The following PPP1R21 variants were observed in gnomAD, a reference collection of about 807,000 sequenced individuals.
The protein encoded by PPP1R21 is protein phosphatase 1 regulatory subunit 21, also known as KLRAQ motif containing 1.
Under a neutral mutation model 112.8 loss-of-function variants are expected in PPP1R21, and 85 were observed. The observed-to-expected ratio is 0.75, with a 90% confidence interval of 0.63 to 0.90. PPP1R21 has a LOEUF of 0.90. Among genes scored for constraint, PPP1R21 ranks in the 40% least tolerant of loss-of-function variants. The pLI is 0.00. For synonymous variants in PPP1R21, 381 were observed against 322.3 expected (o/e 1.18, Z -1.95); for missense variants, 1,199 against 901.5 (o/e 1.33, Z -4.23).
intron 13 of PPP1R21, 125 bp downstream of exon 13, chr2:48,480,141 C>T (rs1271184912): frequency 4.2e-6 from 3 of 714,446 alleles, no homozygotes; most frequent in East Asian, 5.2e-5. Flanking sequence ...TAGCATTTGG[C>T]TTATGTTGAG....
At chr2:48,506,570 G>A (rs1670388246) in intron 18 of PPP1R21, among the ~76,000 whole-genome samples, 4 of 152,128 alleles carry the variant, frequency 2.6e-5, no homozygotes, top group Admixed American at 2.6e-4. Context: ...AAACTCAACA[G>A]GGTGTCATTG....
chr2:48,511,153 C>G (rs1670619624), intron 20 of PPP1R21, among the ~76,000 whole-genome samples, 187 bp from the exon 21 acceptor site: 2 of 152,098 alleles, frequency 1.3e-5, no homozygotes. Context: ...GGAGGTCCAC[C>G]ACCTCAAACA....
chr2:48,469,590 A>G lies in PPP1R21; in HGVS notation c.898-1497A>G, dbSNP rs564673748. Among the ~76,000 whole-genome samples the G allele has an allele frequency of 5.5e-4, 76 of 138,494 alleles. 2 individuals carry two copies. The highest frequency in any genetic ancestry group is 2.0e-3 in the African/African-American group (75 of 38,070). 90.9% of individuals were successfully genotyped at this position (138,494 alleles called of 152,430 possible). A position where few individuals can be genotyped will look rare whatever the true frequency, so the allele number is the denominator to read the frequency against. On this transcript the variant is annotated intron_variant, in intron 9 of 21. Transcript: ENST00000294952. ...AGCATATATATATATATATATGCTAACCAGTATTGGATAGAATATACTATC... is the reference window on the plus strand; with the variant it reads ...AGCATATATATATATATATATGCTAGCCAGTATTGGATAGAATATACTATC...
At position 48,455,848 on chromosome 2, in the gene PPP1R21, A is replaced by G. The variant is rs13424478; in HGVS notation, c.273+1107A>G. On this transcript the variant is annotated intron_variant, in intron 3 of 21. Coordinates refer to ENST00000294952, the MANE Select transcript of PPP1R21 (RefSeq NM_001135629.3). ...GCTAACATGGTGAAACCTTGTCTCT[A>G]CTAAAAATAGAAAAAATTAGCTGGG... 5.7e-3 allele frequency among the ~76,000 whole-genome samples: 862 copies of G among 152,006 alleles called. 13 individuals are homozygous for G. The highest frequency in any genetic ancestry group is 0.02 in the African/African-American group (817 of 41,460).
At chr2:48,459,977 G>A in intron 5 of PPP1R21, 59 bp downstream of exon 5, 3 of 1,591,970 alleles carry the variant, frequency 1.9e-6, no homozygotes, top group Non-Finnish European at 2.6e-6. Context: ...TTAATAAATT[G>A]TCTATCCACT....
In PPP1R21 at chr2:48,460,579, A is replaced by G. The variant is rs140897595; in HGVS notation, c.599+426A>G. 6.4e-3 allele frequency among the ~76,000 whole-genome samples: 976 copies of G among 152,360 alleles called. 12 individuals carry two copies. The highest frequency in any genetic ancestry group is 0.022 in the African/African-American group (917 of 41,580). The stretch of plus-strand genomic sequence containing the variant: ...TTTAAAATCAAAATACTAGTAATGC[A>G]TGGTAAAGGTGTACTCCAACATTTA... On this transcript the variant is annotated intron_variant, in intron 6 of 21. Coordinates refer to ENST00000294952, the MANE Select transcript of PPP1R21 (RefSeq NM_001135629.3).
Position 48,503,714 on chromosome 2 carries a change from G to C in PPP1R21, c.1936-1850G>C, listed in dbSNP as rs574385123. ...TGTAATCCCAGCACTTTGGGAGGCC[G>C]AGGCGGGTGGATCATGAGGTCAAGA... On this transcript the variant is annotated intron_variant, in intron 17 of 21. Transcript: ENST00000294952. Among the ~76,000 whole-genome samples the C allele has an allele frequency of 2.6e-5, 4 of 152,154 alleles. No individual in the cohort carries two copies. The East Asian group carries it at 7.7e-4, about 29-fold the overall frequency.
intron 8 of PPP1R21, 43 bp downstream of exon 8, chr2:48,465,032 A>C: frequency 6.8e-7 from 1 of 1,463,658 alleles, no homozygotes; most frequent in East Asian, 2.5e-5. Flanking sequence ...TTATATATAC[A>C]TCAGACTTTC....
At chr2:48,479,146 A>T (rs74592890) in intron 12 of PPP1R21, among the ~76,000 whole-genome samples, 2,244 of 152,208 alleles carry the variant, frequency 0.015, 52 homozygotes, top group African/African-American at 0.049. Flanking sequence ...TCTTAGGAGT[A>T]GGGGCTGGGT....
At chr2:48,494,110 G>T (rs1174328288) in intron 15 of PPP1R21, among the ~76,000 whole-genome samples, 1 of 146,276 alleles carries the variant, frequency 6.8e-6, no homozygotes, top group Non-Finnish European at 1.5e-5. Flanking sequence ...CATGCCTGTA[G>T]TCCCAGGTGC....
intron 1 of PPP1R21, among the ~76,000 whole-genome samples, chr2:48,447,537 T>G (rs1160582125): frequency 1.3e-5 from 2 of 152,198 alleles, no homozygotes; most frequent in African/African-American, 2.4e-5. Flanking sequence ...GTCTCCATTC[T>G]GGACTCCTAG....
chr2:48,453,240 C>T lies in PPP1R21; in HGVS notation c.127-1355C>T, dbSNP rs569431851. Among the ~76,000 whole-genome samples, 10 of 152,370 alleles carry T rather than the reference C, an allele frequency of 6.6e-5. No homozygotes were observed. In the South Asian group the frequency reaches 2.1e-3, roughly 32 times the overall value. ...AAGTGCTGGGATTATAGGCGTGAGC[C>T]ACTGCACCTGGCCTAGGTTGCTGTT... is the stretch of plus-strand genomic sequence containing the variant. On this transcript the variant is annotated intron_variant, in intron 2 of 21. Coordinates refer to ENST00000294952, the MANE Select transcript of PPP1R21 (RefSeq NM_001135629.3).
intron 1 of PPP1R21, among the ~76,000 whole-genome samples, chr2:48,442,782 A>G (rs920195444): frequency 6.6e-6 from 1 of 152,150 alleles, no homozygotes; most frequent in Admixed American, 6.5e-5. Context: ...GAGCTTTCAC[A>G]TGGCAGAGAG....
intron 20 of PPP1R21, among the ~76,000 whole-genome samples, chr2:48,510,542 C>G (rs929427951): frequency 2.0e-5 from 3 of 152,196 alleles, no homozygotes; most frequent in African/African-American, 4.8e-5. Context: ...TTTCAGAAAG[C>G]CTCTGCTAAT....
chr2:48,469,287 GTGTGTGTGTA>G (rs764750997), intron 9 of PPP1R21, among the ~76,000 whole-genome samples: 1,451 of 51,900 alleles, frequency 0.028, 90 homozygotes, highest in African/African-American at 0.066. Flanking sequence ...GTGTGTGTGT[GTGTGTGTGTA>G]TGTATATATA....
At chr2:48,471,423 G>A (rs1572855453) in intron 11 of PPP1R21, 56 bp downstream of exon 11, 2 of 1,491,812 alleles carry the variant, frequency 1.3e-6, no homozygotes, top group East Asian at 4.6e-5. Flanking sequence ...ACCTGATCTG[G>A]CTGGCGTTAA....
chr2:48,509,887 T>G (rs1362389991), intron 19 of PPP1R21, 128 bp from the exon 20 acceptor site: 5 of 601,220 alleles, frequency 8.3e-6, no homozygotes, highest in African/African-American at 7.4e-5. Context: ...CTATAGGTAT[T>G]CAACAGATTA....
At chr2:48,446,134 G>A (rs1349390934) in intron 1 of PPP1R21, among the ~76,000 whole-genome samples, 1 of 152,230 alleles carries the variant, frequency 6.6e-6, no homozygotes, top group Non-Finnish European at 1.5e-5. Context: ...AGACAGCCAT[G>A]TAAAAGTGGT....
chr2:48,491,706 A>T (rs150840999), intron 15 of PPP1R21, among the ~76,000 whole-genome samples: 1 of 152,266 alleles, frequency 6.6e-6, no homozygotes, highest in East Asian at 1.9e-4. Context: ...ATGCACACAC[A>T]TACTATAAAA....
Sources: gnomAD v4.1 joint callset for allele counts (sites outside exome capture counted in the v4.1 genomes callset) on GRCh38, gnomAD v4.1.1 for gene constraint, MANE v1.5 for transcripts, NCBI Gene and HGNC (gene_info 2026-07-23, HGNC 2026-07-21) for gene names.